Variants in ZNF618 observed in about 807,000 individuals in gnomAD.
The protein encoded by ZNF618 is zinc finger protein 618, also known as neural precursor cell expressed, developmentally down-regulated 10.
A neutral mutation model predicts 103.0 loss-of-function variants in ZNF618; 34 were observed. That is an observed-to-expected ratio of 0.33 (90% CI 0.25 to 0.44). The LOEUF (loss-of-function observed/expected upper bound fraction) is 0.44. Ranked by LOEUF, ZNF618 falls within the 20% of genes least tolerant of loss-of-function variation. The pLI is 1.00. For missense variants in ZNF618, 1,059 were observed against 1,295.4 expected, an observed-to-expected ratio of 0.82 and a Z score of 2.80; for synonymous variants, 551 against 542.2, an observed-to-expected ratio of 1.02 and a Z score of -0.23.
intron 9 of ZNF618, among the ~76,000 whole-genome samples, chr9:114,009,557 C>T (rs1391528260): frequency 6.6e-6 from 1 of 152,158 alleles, no homozygotes; most frequent in East Asian, 1.9e-4. Context: ...GAGACTTGTC[C>T]TTTCCAGCTG....
intron 2 of ZNF618, among the ~76,000 whole-genome samples, chr9:113,978,692 A>G (rs1031230035): frequency 6.6e-6 from 1 of 152,200 alleles, no homozygotes; most frequent in African/African-American, 2.4e-5. Flanking sequence ...AATTATCCAA[A>G]TGGTTAAAAG....
At chr9:114,029,937 G>T (rs570615629) in intron 11 of ZNF618, among the ~76,000 whole-genome samples, 1 of 152,224 alleles carries the variant, frequency 6.6e-6, no homozygotes, top group East Asian at 1.9e-4. Context: ...TTAGATTCAC[G>T]TTTGGATGGA....
intron 12 of ZNF618, 43 bp from the exon 13 acceptor site, chr9:114,036,257 G>A (rs376283355): frequency 2.0e-4 from 314 of 1,543,394 alleles, no homozygotes; most frequent in Non-Finnish European, 2.6e-4. Context: ...AGGTGTCTGC[G>A]TCGGTTCCAC....
In ZNF618 at chr9:113,998,746, C is replaced by G. The variant is rs191497179; in HGVS notation, c.433+392C>G. Reference sequence around the variant, plus strand: ...GGACTTCGCAGGGCCTGCGGCTGCCCCTGTGCAGTGGCCTCCCCAGGACAG... The same window carrying G: ...GGACTTCGCAGGGCCTGCGGCTGCCGCTGTGCAGTGGCCTCCCCAGGACAG... On this transcript the variant is annotated intron_variant, in intron 4 of 14. Transcript: ENST00000374126. 2.1e-3 allele frequency among the ~76,000 whole-genome samples: 314 copies of G among 152,376 alleles called. 2 individuals are homozygous for G. Among genetic ancestry groups the G allele is most frequent in the Non-Finnish European group, 3.4e-3 (232 of 68,038 alleles).
At chr9:114,043,892 G>A (rs1845430382) in intron 13 of ZNF618, among the ~76,000 whole-genome samples, 1 of 151,958 alleles carries the variant, frequency 6.6e-6, no homozygotes, top group African/African-American at 2.4e-5. Context: ...CTTTTTGATG[G>A]GATTGTTTAT....
chr9:114,047,877 C>T lies in ZNF618; in HGVS notation c.1247-16C>T. ...TTACCCTTCCAGGTAACACACTGTC[C>T]CCTTTGTGCCCACAGCTGACAATGA... On this transcript the variant is annotated splice_polypyrimidine_tract_variant and intron_variant, in intron 13 of 14. Transcript: ENST00000374126. The T allele has an allele frequency of 6.3e-7, 1 of 1,583,204 alleles. No individual in the cohort carries two copies. Among genetic ancestry groups the T allele is most frequent in the South Asian group, 1.2e-5 (1 of 86,160 alleles).
intron 1 of ZNF618, among the ~76,000 whole-genome samples, chr9:113,968,405 T>C (rs1837625146): frequency 6.6e-6 from 1 of 152,192 alleles, no homozygotes; most frequent in Admixed American, 6.5e-5. Flanking sequence ...CGGGAATGTA[T>C]CTTCAGCTGG....
chr9:113,907,436 G>A (rs192322577), intron 1 of ZNF618, among the ~76,000 whole-genome samples: 122 of 152,334 alleles, frequency 8.0e-4, no homozygotes, highest in Admixed American at 2.4e-3. Flanking sequence ...CTTGACAGTG[G>A]CATTCTGCCC....
intron 1 of ZNF618, among the ~76,000 whole-genome samples, chr9:113,907,141 G>C (rs1045668057): frequency 6.6e-6 from 1 of 152,238 alleles, no homozygotes; most frequent in Non-Finnish European, 1.5e-5. Flanking sequence ...ACAGTGCGAG[G>C]ATGGTGTGTT....
intron 1 of ZNF618, among the ~76,000 whole-genome samples, chr9:113,914,144 G>T (rs1831835093): frequency 6.6e-6 from 1 of 152,168 alleles, no homozygotes; most frequent in Non-Finnish European, 1.5e-5. Flanking sequence ...ATTACCCCAG[G>T]AGAGAGCTGC....
At chr9:113,968,830 T>C (rs1837675573) in intron 1 of ZNF618, among the ~76,000 whole-genome samples, 1 of 152,216 alleles carries the variant, frequency 6.6e-6, no homozygotes, top group South Asian at 2.1e-4. Flanking sequence ...GCTGGTTACT[T>C]ACTTTTCACT....
chr9:113,931,538 A>C (rs1588077066), intron 1 of ZNF618, among the ~76,000 whole-genome samples: 1 of 152,230 alleles, frequency 6.6e-6, no homozygotes, highest in East Asian at 1.9e-4. Flanking sequence ...CTTGGGAGTG[A>C]TGAAGTGTCA....
chr9:113,881,146 C>A (rs2130798994), intron 1 of ZNF618, among the ~76,000 whole-genome samples: 1 of 152,266 alleles, frequency 6.6e-6, no homozygotes, highest in Non-Finnish European at 1.5e-5. Flanking sequence ...GTGTGGAGTC[C>A]TTGTCTTTTG....
intron 1 of ZNF618, among the ~76,000 whole-genome samples, chr9:113,910,065 G>A (rs1165249651): frequency 1.3e-5 from 2 of 152,130 alleles, no homozygotes; most frequent in African/African-American, 2.4e-5. Flanking sequence ...TTACAGGCAT[G>A]AGCCAGTGCG....
At chr9:114,048,282 T>C (rs1374065524) in intron 14 of ZNF618, among the ~76,000 whole-genome samples, 1 of 152,220 alleles carries the variant, frequency 6.6e-6, no homozygotes, top group East Asian at 1.9e-4. Context: ...CTGGTTGCTC[T>C]TTCCTGACAT....
intron 3 of ZNF618, among the ~76,000 whole-genome samples, chr9:113,993,507 A>T (rs1162384008): frequency 6.6e-6 from 1 of 152,234 alleles, no homozygotes; most frequent in Non-Finnish European, 1.5e-5. Context: ...GCTCTGAGAG[A>T]TAAGGATGCC....
intron 1 of ZNF618, among the ~76,000 whole-genome samples, chr9:113,897,816 G>A (rs1830170061): frequency 6.6e-6 from 1 of 152,164 alleles, no homozygotes; most frequent in South Asian, 2.1e-4. Context: ...TTGAGACGGA[G>A]TCTTGCCTTG....
At chr9:113,963,314 T>G (rs946389208) in intron 1 of ZNF618, among the ~76,000 whole-genome samples, 14 of 152,336 alleles carry the variant, frequency 9.2e-5, no homozygotes, top group Non-Finnish European at 1.9e-4. Context: ...ACAATGTTGA[T>G]GTTTGTACTA....
At chr9:114,016,241 TG>T in intron 9 of ZNF618, 1 of 1,412,980 alleles carries the variant, frequency 7.1e-7, no homozygotes, top group Non-Finnish European at 1.0e-6. Flanking sequence ...GGGGGGTGCT[TG>T]GGGGCAGGGA....
Sources: allele counts gnomAD v4.1 joint callset (sites outside exome capture counted in the v4.1 genomes callset), GRCh38; gene constraint gnomAD v4.1.1; transcripts MANE v1.5; gene names NCBI Gene and HGNC (gene_info 2026-07-23, HGNC 2026-07-21).